Variants in BUB1B observed in about 807,000 individuals in gnomAD.
The protein encoded by BUB1B is mitotic checkpoint serine/threonine-protein kinase BUB1 beta.
Under a neutral mutation model 137.7 loss-of-function variants are expected in BUB1B, and 86 were observed. That is an observed-to-expected ratio of 0.62 (90% CI 0.52 to 0.75). BUB1B has a LOEUF of 0.75. Among genes scored for constraint, BUB1B ranks in the 30% least tolerant of loss-of-function variants. The pLI is 0.00. For missense variants in BUB1B, 1,130 were observed against 1,236.9 expected (o/e 0.91, Z 1.30); for synonymous variants, 420 against 417.9 (o/e 1.00, Z -0.06).
rs1305396781 is a variant in BUB1B at position 40,220,926 on chromosome 15, C to A, written c.*167C>A. On this transcript the variant is annotated 3_prime_UTR_variant, in exon 23 of 23. Coordinates refer to ENST00000287598, the MANE Select transcript of BUB1B (RefSeq NM_001211.6). ...TTTGACGTCACTGATATTTTTTATACAGTGATATACTTACTCATGGCCTTG... is the reference window on the plus strand; with the variant it reads ...TTTGACGTCACTGATATTTTTTATAAAGTGATATACTTACTCATGGCCTTG... The A allele has an allele frequency of 2.8e-6, 2 of 718,098 alleles. No individual in the cohort carries two copies. The highest frequency in any genetic ancestry group is 4.4e-5 in the Admixed American group (2 of 45,922). The allele number at this position is 718,098 out of a possible 1,614,324, so 44.5% of individuals were successfully genotyped here.
intron 2 of BUB1B, among the ~76,000 whole-genome samples, chr15:40,166,810 G>A (rs1172198726): frequency 2.0e-5 from 3 of 152,172 alleles, no homozygotes; most frequent in Admixed American, 6.5e-5. Flanking sequence ...TGGTGTTGTC[G>A]ATCTTTTTCG....
chr15:40,184,956 G>C (rs2037340642), intron 6 of BUB1B, among the ~76,000 whole-genome samples: 1 of 152,126 alleles, frequency 6.6e-6, no homozygotes, highest in Non-Finnish European at 1.5e-5. Context: ...GGAGGGAAAA[G>C]AAGGCAGAAT....
Position 40,220,772 on chromosome 15 carries a change from A to G in BUB1B, c.*13A>G, listed in dbSNP as rs370517481. On this transcript the variant is annotated 3_prime_UTR_variant, in exon 23 of 23. Transcript: ENST00000287598. ...GCTCTTTCAGTGAGCTAGGCAATCA[A>G]GTCTCACAGATTGCTGCCTCAGAGC... 9.9e-6 allele frequency: 16 copies of G among 1,611,070 alleles called. No individual in the cohort carries two copies. The highest frequency in any genetic ancestry group is 5.3e-5 in the African/African-American group (4 of 74,878).
intron 18 of BUB1B, among the ~76,000 whole-genome samples, chr15:40,212,223 T>C (rs1442344222): frequency 2.6e-5 from 4 of 152,232 alleles, no homozygotes; most frequent in Non-Finnish European, 4.4e-5. Flanking sequence ...GCCAGTTATA[T>C]AGTATAGGAA....
rs536130140 is a variant in BUB1B at position 40,166,848 on chromosome 15, G to A, written c.179+1652G>A. Among the ~76,000 whole-genome samples the A allele has an allele frequency of 2.6e-5, 4 of 152,280 alleles. No homozygotes were observed. The South Asian group carries it at 8.3e-4, about 32-fold the overall frequency. ...TTAGCCATTCTAGTTTTGTGGAGTT[G>A]TGTCTCATTACTTTGCATTTCCCTG... On this transcript the variant is annotated intron_variant, in intron 2 of 22. Transcript: ENST00000287598.
At chr15:40,168,165 T>G (rs1287935831) in intron 2 of BUB1B, among the ~76,000 whole-genome samples, 7 of 151,802 alleles carry the variant, frequency 4.6e-5, no homozygotes, top group African/African-American at 7.3e-5. Flanking sequence ...GTGAGGAGTT[T>G]AAGACCAGCC....
At chr15:40,219,909 G>A (rs1167249825) in intron 22 of BUB1B, among the ~76,000 whole-genome samples, 8 of 152,090 alleles carry the variant, frequency 5.3e-5, no homozygotes, top group Non-Finnish European at 1.5e-5. Flanking sequence ...CTTGGCCAGT[G>A]TTGTCTCTTA....
chr15:40,213,917 C>CAA (rs1239213795), intron 20 of BUB1B, among the ~76,000 whole-genome samples: 1 of 151,640 alleles, frequency 6.6e-6, no homozygotes, highest in South Asian at 2.1e-4. Flanking sequence ...ACCTAAAAGT[C>CAA]AAAAATCATT....
chr15:40,202,727 G>A, intron 14 of BUB1B, 33 bp downstream of exon 14: 1 of 1,543,368 alleles, frequency 6.5e-7, no homozygotes, highest in South Asian at 1.1e-5. Flanking sequence ...TAATGTAAAT[G>A]GGCTAGTGGA....
chr15:40,213,522 T>C (rs769886332), intron 20 of BUB1B, 48 bp downstream of exon 20: 4 of 1,607,996 alleles, frequency 2.5e-6, no homozygotes, highest in Non-Finnish European at 3.4e-6. Context: ...TCTTAAAACA[T>C]GGATAGTTGC....
At chr15:40,200,216 AT>A in intron 10 of BUB1B, 27 bp from the exon 11 acceptor site, 2 of 1,507,990 alleles carry the variant, frequency 1.3e-6, no homozygotes, top group African/African-American at 1.4e-5. Context: ...TGGGAGGGAC[AT>A]TGATTTTGTT....
Position 40,199,736 on chromosome 15 carries a change from T to C in BUB1B, c.1401+9T>C. 6.3e-7 allele frequency: 1 copy of C among 1,595,226 alleles called. No individual in the cohort carries two copies. Among genetic ancestry groups the C allele is most frequent in the Non-Finnish European group, 8.6e-7 (1 of 1,163,178 alleles). On this transcript the variant is annotated intron_variant, in intron 10 of 22. Transcript: ENST00000287598. ...AAAGAACAGGTGATCAGGTAATTTTTCTTTTTTCATACACAAAACTAGAAT... is the reference window on the plus strand; with the variant it reads ...AAAGAACAGGTGATCAGGTAATTTTCCTTTTTTCATACACAAAACTAGAAT...
At chr15:40,186,250 A>C (rs2037359082) in intron 8 of BUB1B, among the ~76,000 whole-genome samples, 1 of 152,112 alleles carries the variant, frequency 6.6e-6, no homozygotes, top group Non-Finnish European at 1.5e-5. Context: ...TCATTTTGTC[A>C]TTGATAGTAA....
In BUB1B at chr15:40,202,500, A is replaced by C. The variant is rs759263899; in HGVS notation, c.1628+35A>C. The C allele has an allele frequency of 2.4e-5, 38 of 1,581,802 alleles. 1 individual carries two copies. The highest frequency in any genetic ancestry group is 3.3e-5 in the Non-Finnish European group (38 of 1,152,834). On this transcript the variant is annotated intron_variant, in intron 13 of 22. Transcript: ENST00000287598. ...TTTTTTGTTTTTTTGGTTTTTTTTT[A>C]CTTAAGAATTTTCTGTTATTATAAG...
chr15:40,201,473 C>T lies in BUB1B; in HGVS notation c.1567+493C>T, dbSNP rs745947631. 6.6e-5 allele frequency among the ~76,000 whole-genome samples: 10 copies of T among 152,182 alleles called. No individual in the cohort carries two copies. In the East Asian group the frequency reaches 1.2e-3, roughly 18 times the overall value. On this transcript the variant is annotated intron_variant, in intron 12 of 22. Transcript: ENST00000287598. Reference sequence around the variant, plus strand: ...ATTGGAAATATAAAGCATGGAGGAACGTTGTTAAACAACACAGCGGGATGG... The same window carrying T: ...ATTGGAAATATAAAGCATGGAGGAATGTTGTTAAACAACACAGCGGGATGG...
chr15:40,220,029 AAGTGGGGTC>A (rs2037872422), intron 22 of BUB1B, among the ~76,000 whole-genome samples: 1 of 152,182 alleles, frequency 6.6e-6, no homozygotes, highest in Admixed American at 6.5e-5. Context: ...AAGCAGAAAC[AAGTGGGGTC>A]AGTTGGGGTT....
At position 40,161,124 on chromosome 15, in the gene BUB1B, T is replaced by G. The variant is rs1169829247; in HGVS notation, c.-97T>G. The G allele has an allele frequency of 1.3e-6, 2 of 1,519,174 alleles. No homozygotes were observed. Among genetic ancestry groups the G allele is most frequent in the African/African-American group, 2.8e-5 (2 of 72,612 alleles). 94.1% of individuals were successfully genotyped at this position (1,519,174 alleles called of 1,614,324 possible). ...GTCGTGTACGTGCCTTGGTCGCTTC[T>G]GTAGCTCCGAGGGCAGGTTGCGGAA... On this transcript the variant is annotated 5_prime_UTR_variant, in exon 1 of 23. Transcript: ENST00000287598.
At chr15:40,206,631 T>C (rs1433102273) in intron 15 of BUB1B, among the ~76,000 whole-genome samples, 173 bp downstream of exon 15, 1 of 152,110 alleles carries the variant, frequency 6.6e-6, no homozygotes, top group Non-Finnish European at 1.5e-5. Flanking sequence ...GATTTAGTGA[T>C]TGATTTGGAT....
At chr15:40,164,924 A>T (rs2037077707) in intron 1 of BUB1B, 129 bp from the exon 2 acceptor site, 11 of 1,109,642 alleles carry the variant, frequency 9.9e-6, no homozygotes, top group East Asian at 2.6e-5. Flanking sequence ...TAATAATAAT[A>T]ATTATGTGTC....
Sources: gnomAD v4.1 joint callset for allele counts (sites outside exome capture counted in the v4.1 genomes callset) on GRCh38, gnomAD v4.1.1 for gene constraint, MANE v1.5 for transcripts, NCBI Gene and HGNC (gene_info 2026-07-23, HGNC 2026-07-21) for gene names.